The following TAF15 variants were observed in gnomAD, a reference collection of about 807,000 sequenced individuals.
TAF15 encodes the protein TATA-box binding protein associated factor 15.
TAF15 carries 37 observed loss-of-function variants against 102.5 expected under a neutral mutation model. The observed-to-expected ratio is 0.36, with a 90% CI of 0.28 to 0.47. The LOEUF (loss-of-function observed/expected upper bound fraction) is 0.47, where lower values mean the gene tolerates loss of function less well. Among genes scored for constraint, TAF15 ranks in the 20% least tolerant of loss-of-function variants. The pLI is 0.99. For synonymous variants in TAF15, 273 were observed against 259.2 expected, an observed-to-expected ratio of 1.05 and a Z score of -0.51; for missense variants, 652 against 760.7, an observed-to-expected ratio of 0.86 and a Z score of 1.68.
intron 2 of TAF15, among the ~76,000 whole-genome samples, 165 bp downstream of exon 2, chr17:35,817,920 T>G (rs2087213915): frequency 6.6e-6 from 1 of 152,120 alleles, no homozygotes; most frequent in Admixed American, 6.6e-5. Flanking sequence ...TTTATTCCCT[T>G]TCTGTTTTTC....
At chr17:35,816,815 CTTTTTTTT>C (rs1170506741) in intron 1 of TAF15, 51 of 57,428 alleles carry the variant, frequency 8.9e-4, no homozygotes, top group African/African-American at 3.5e-3. Context: ...CCCACCCCCA[CTTTTTTTT>C]TTTTTTTTTT....
At chr17:35,827,010 A>G (rs187990145) in intron 7 of TAF15, among the ~76,000 whole-genome samples, 59 of 151,668 alleles carry the variant, frequency 3.9e-4, no homozygotes, top group African/African-American at 1.3e-3. Context: ...TTTTTCCCAC[A>G]CAGTTTTGCA....
intron 7 of TAF15, among the ~76,000 whole-genome samples, chr17:35,824,552 G>A (rs961955491): frequency 3.9e-5 from 6 of 152,110 alleles, no homozygotes; most frequent in Non-Finnish European, 8.8e-5. Context: ...AAAAATAAAA[G>A]GTAAGTTAAT....
chr17:35,846,459 C>G (rs919559095), intron 15 of TAF15, among the ~76,000 whole-genome samples: 1 of 152,186 alleles, frequency 6.6e-6, no homozygotes. Context: ...TTCTTTAGTT[C>G]TAGTCCTTCT....
chr17:35,835,399 A>T (rs2143806009), intron 9 of TAF15, among the ~76,000 whole-genome samples: 1 of 152,318 alleles, frequency 6.6e-6, no homozygotes, highest in East Asian at 1.9e-4. Context: ...TTTTTATTTA[A>T]ATGAAATTCA....
At chr17:35,836,090 C>T (rs374461126) in intron 9 of TAF15, 42 bp from the exon 10 acceptor site, 2 of 1,336,602 alleles carry the variant, frequency 1.5e-6, no homozygotes. Context: ...AATGTCATAA[C>T]CAAGGAATAT....
chr17:35,822,869 C>G (rs1223564213), intron 6 of TAF15, 36 bp downstream of exon 6: 1 of 1,607,174 alleles, frequency 6.2e-7, no homozygotes, highest in Non-Finnish European at 8.5e-7. Flanking sequence ...ATTTTTCCCC[C>G]TCTCAGAATT....
chr17:35,830,524 CATT>C (rs943193847), intron 7 of TAF15, among the ~76,000 whole-genome samples: 3 of 152,134 alleles, frequency 2.0e-5, no homozygotes, highest in Non-Finnish European at 2.9e-5. Flanking sequence ...GGACTTGTAA[CATT>C]AATGCAGATT....
intron 7 of TAF15, among the ~76,000 whole-genome samples, chr17:35,832,011 G>C (rs909208680): frequency 3.3e-4 from 50 of 152,152 alleles, no homozygotes; most frequent in African/African-American, 1.2e-3. Context: ...CCGGGAGGCG[G>C]AGCTTGCGGT....
chr17:35,827,127 C>G (rs142279400), intron 7 of TAF15, among the ~76,000 whole-genome samples: 2 of 151,906 alleles, frequency 1.3e-5, no homozygotes, highest in African/African-American at 4.8e-5. Flanking sequence ...TGCGGTGGCT[C>G]ACACCTGTAA....
At chr17:35,842,594 T>G in intron 12 of TAF15, 135 bp downstream of exon 12, 1 of 703,256 alleles carries the variant, frequency 1.4e-6, no homozygotes, top group Admixed American at 2.3e-5. Flanking sequence ...TTAAAATGAG[T>G]TCAGGTACTG....
intron 7 of TAF15, among the ~76,000 whole-genome samples, chr17:35,832,930 G>T (rs1212344580): frequency 6.6e-6 from 1 of 152,106 alleles, no homozygotes; most frequent in Non-Finnish European, 1.5e-5. Context: ...GCTGAGGTGG[G>T]CGGATTATTT....
At chr17:35,827,705 C>CA (rs1038289629) in intron 7 of TAF15, among the ~76,000 whole-genome samples, 1,795 of 128,642 alleles carry the variant, frequency 0.014, 38 homozygotes, top group African/African-American at 0.046. Flanking sequence ...AACTCCATCG[C>CA]AAAAAAAAAA....
Position 35,844,496 on chromosome 17 carries a change from C to T in TAF15, c.1197C>T (p.Tyr399=), listed in dbSNP as rs772128894. Residue 399 remains tyrosine, a synonymous_variant, in exon 15 of 16, where the codon TAC becomes TAT. Coordinates refer to ENST00000605844, the MANE Select transcript of TAF15 (RefSeq NM_139215.3). ...PSGGDFRGRG[Y]GGERGYRGRG... is the part of the protein sequence containing the mutation. ...TTGCAGATTTCCGGGGGAGAGGCTA[C>T]GGTGGAGAGAGGGGCTACAGAGGTC... 29 of 1,612,250 alleles carry T rather than the reference C, an allele frequency of 1.8e-5. No homozygotes were observed. The highest frequency in any genetic ancestry group is 1.3e-4 in the East Asian group (6 of 44,818).
intron 10 of TAF15, among the ~76,000 whole-genome samples, chr17:35,836,652 G>A (rs949148786): frequency 1.3e-5 from 2 of 152,154 alleles, no homozygotes; most frequent in African/African-American, 2.4e-5. Context: ...TCACTAAAGC[G>A]TCTTTTGCAC....
intron 7 of TAF15, among the ~76,000 whole-genome samples, chr17:35,826,916 A>G (rs915350952): frequency 1.7e-4 from 26 of 151,994 alleles, no homozygotes; most frequent in African/African-American, 6.0e-4. Flanking sequence ...GTGTCATAAC[A>G]TCTTTTTAAA....
chr17:35,822,523 T>C, intron 5 of TAF15, 117 bp from the exon 6 acceptor site: 1 of 892,208 alleles, frequency 1.1e-6, no homozygotes, highest in Non-Finnish European at 1.8e-6. Flanking sequence ...GAGAAGGTAG[T>C]CATAAATATG....
rs746964372 is a variant in TAF15, at chr17:35,838,465, A to G, written c.825A>G (p.Thr275=). ...GAAAACCAATGATAAATCTTTATAC[A>G]GACAAGGACACAGGAAAGCCAAAGG... is the stretch of plus-strand genomic sequence containing the variant. ...KTGKPMINLY[T]DKDTGKPKGE... Residue 275 remains threonine (T), a synonymous_variant, in exon 11 of 16, where the codon ACA becomes ACG. Coordinates refer to ENST00000605844, the MANE Select transcript of TAF15 (RefSeq NM_139215.3). 4 of 1,614,246 alleles carry G rather than the reference A, an allele frequency of 2.5e-6. No individual in the cohort carries two copies. The East Asian group carries it at 6.7e-5, about 27-fold the overall frequency.
chr17:35,810,271 T>C (rs1423224147), intron 1 of TAF15: 8 of 156,218 alleles, frequency 5.1e-5, no homozygotes, highest in Non-Finnish European at 8.6e-5. Context: ...GTCTATCTAT[T>C]ATTGATAAGC....
Sources: gnomAD v4.1 joint callset for allele counts (sites outside exome capture counted in the v4.1 genomes callset) on GRCh38, gnomAD v4.1.1 for gene constraint, MANE v1.5 for transcripts, NCBI Gene and HGNC (gene_info 2026-07-23, HGNC 2026-07-21) for gene names.